AGMO: variants seen among roughly 807,000 people sequenced by gnomAD.
AGMO encodes the protein glyceryl-ether monooxygenase.
Under a neutral mutation model 60.2 loss-of-function variants are expected in AGMO, and 75 were observed. The ratio of observed to expected loss-of-function variants is 1.25; its 90% CI spans 1.03 to 1.51. The LOEUF (loss-of-function observed/expected upper bound fraction) is 1.51. Among genes scored for constraint, AGMO ranks in the 40% most tolerant of loss-of-function variants. AGMO has a pLI of 0.00. For missense variants in AGMO, 763 were observed against 525.5 expected, an observed-to-expected ratio of 1.45 and a Z score of -4.42; for synonymous variants, 261 against 177.1, an observed-to-expected ratio of 1.47 and a Z score of -3.76.
chr7:15,395,417 CAT>C (rs1235079102), intron 5 of AGMO, among the ~76,000 whole-genome samples: 1 of 151,968 alleles, frequency 6.6e-6, no homozygotes, highest in Non-Finnish European at 1.5e-5. Context: ...ACAAACCTAA[CAT>C]AAAAGACATT....
intron 4 of AGMO, among the ~76,000 whole-genome samples, chr7:15,427,169 C>T (rs531409429): frequency 4.9e-4 from 75 of 152,260 alleles, no homozygotes; most frequent in Non-Finnish European, 1.9e-4. Context: ...TCCCAGGAAA[C>T]AATGTCTACT....
intron 12 of AGMO, among the ~76,000 whole-genome samples, chr7:15,361,244 C>G (rs913512896): frequency 6.6e-6 from 1 of 151,254 alleles, no homozygotes; most frequent in Non-Finnish European, 1.5e-5. Flanking sequence ...CTCTCAGTAC[C>G]TATCACAAAA....
the AGMO span, among the ~76,000 whole-genome samples, chr7:15,168,079 A>G: frequency 6.6e-6 from 1 of 152,368 alleles, no homozygotes; most frequent in Non-Finnish European, 1.5e-5. Flanking sequence ...AGCCACACAG[A>G]CATTTATTGC....
intron 5 of AGMO, among the ~76,000 whole-genome samples, chr7:15,400,216 T>A (rs1442700315): frequency 6.6e-6 from 1 of 152,128 alleles, no homozygotes; most frequent in Non-Finnish European, 1.5e-5. Flanking sequence ...TCCCCCTTAC[T>A]CCTCTCATAC....
At chr7:15,356,978 G>T (rs1782557817) in intron 12 of AGMO, among the ~76,000 whole-genome samples, 1 of 142,790 alleles carries the variant, frequency 7.0e-6, no homozygotes, top group Admixed American at 7.1e-5. Context: ...AAAAAAATTA[G>T]CCAGGTGTGG....
intron 12 of AGMO, among the ~76,000 whole-genome samples, chr7:15,347,412 GATGTTTA>G (rs1440198453): frequency 6.6e-6 from 1 of 151,940 alleles, no homozygotes; most frequent in Non-Finnish European, 1.5e-5. Context: ...ATTTTCATCT[GATGTTTA>G]AACATGCTTC....
chr7:15,362,868 G>A (rs1016844399), intron 12 of AGMO, among the ~76,000 whole-genome samples: 1 of 152,166 alleles, frequency 6.6e-6, no homozygotes, highest in East Asian at 1.9e-4. Flanking sequence ...GCTTGAGGTA[G>A]ATGAGTATTA....
the AGMO span, among the ~76,000 whole-genome samples, chr7:15,144,853 G>A: frequency 6.6e-6 from 1 of 152,162 alleles, no homozygotes; most frequent in Non-Finnish European, 1.5e-5. Flanking sequence ...TTGTTGAGAC[G>A]GAGTCTCGCT....
chr7:15,502,661 C>A (rs998968105), intron 3 of AGMO, among the ~76,000 whole-genome samples: 1 of 151,986 alleles, frequency 6.6e-6, no homozygotes, highest in African/African-American at 2.4e-5. Flanking sequence ...AGGAAGACCT[C>A]AGTTTGGCAA....
At chr7:15,398,930 T>A (rs991103648) in intron 5 of AGMO, among the ~76,000 whole-genome samples, 1 of 152,158 alleles carries the variant, frequency 6.6e-6, no homozygotes, top group Non-Finnish European at 1.5e-5. Flanking sequence ...TCCATCATAT[T>A]GTTTTTAAGA....
intron 3 of AGMO, among the ~76,000 whole-genome samples, chr7:15,507,608 G>A (rs923674380): frequency 6.6e-6 from 1 of 152,070 alleles, no homozygotes; most frequent in Non-Finnish European, 1.5e-5. Flanking sequence ...GGTAAAAATT[G>A]CAGCGTCATA....
At chr7:15,511,104 A>G (rs1384864150) in intron 3 of AGMO, among the ~76,000 whole-genome samples, 1 of 152,084 alleles carries the variant, frequency 6.6e-6, no homozygotes, top group African/African-American at 2.4e-5. Context: ...GTGTTCACCC[A>G]CTTACTCCAG....
chr7:15,285,259 AT>A (rs1161731432), intron 12 of AGMO, among the ~76,000 whole-genome samples: 6 of 152,056 alleles, frequency 3.9e-5, no homozygotes, highest in Non-Finnish European at 7.4e-5. Context: ...AATAAAGTGC[AT>A]CAAAATTGAA....
At chr7:15,185,704 C>CA in the AGMO span, among the ~76,000 whole-genome samples, 1 of 152,098 alleles carries the variant, frequency 6.6e-6, no homozygotes, top group Non-Finnish European at 1.5e-5. Flanking sequence ...GATTGGAGTC[C>CA]AAAACCCTGG....
intron 12 of AGMO, among the ~76,000 whole-genome samples, chr7:15,354,381 C>G (rs71529379): frequency 0.35 from 4,477 of 12,736 alleles, 656 homozygotes; most frequent in East Asian, 0.39. Flanking sequence ...CGTGTGTATA[C>G]ACGTGTGTGT....
intron 12 of AGMO, among the ~76,000 whole-genome samples, chr7:15,291,563 ATTTC>A (rs953633725): frequency 1.3e-5 from 2 of 152,136 alleles, no homozygotes; most frequent in Non-Finnish European, 2.9e-5. Flanking sequence ...TAATCTTAAA[ATTTC>A]TTTTTTCAAT....
chr7:15,177,947 A>AT, the AGMO span, among the ~76,000 whole-genome samples: 85 of 152,274 alleles, frequency 5.6e-4, no homozygotes, highest in African/African-American at 1.9e-3. Context: ...TGGGACACAA[A>AT]TTAAAATCGA....
chr7:15,407,232 C>CATATATAT (rs60144769), intron 5 of AGMO, among the ~76,000 whole-genome samples: 3,996 of 132,108 alleles, frequency 0.03, 109 homozygotes, highest in Middle Eastern at 0.063. Context: ...CTTTGGAATA[C>CATATATAT]ATATATATAT....
At chr7:15,390,612 T>C in intron 8 of AGMO, 59 bp downstream of exon 8, 4 of 1,334,848 alleles carry the variant, frequency 3.0e-6, no homozygotes, top group Non-Finnish European at 4.1e-6. Flanking sequence ...ATTTTTCTCT[T>C]AACTATAAGA....
Sources: allele counts gnomAD v4.1 joint callset (sites outside exome capture counted in the v4.1 genomes callset), GRCh38; gene constraint gnomAD v4.1.1; transcripts MANE v1.5; gene names NCBI Gene and HGNC (gene_info 2026-07-23, HGNC 2026-07-21).